Variants in KCNH7 observed in about 807,000 individuals in gnomAD.
The protein encoded by KCNH7 is potassium voltage-gated channel subfamily H member 7.
KCNH7 carries 49 observed loss-of-function variants against 120.8 expected under a neutral mutation model. The observed-to-expected ratio is 0.41, with a 90% confidence interval of 0.32 to 0.51. KCNH7 has a LOEUF of 0.51. KCNH7 is among the 20% of genes least tolerant of loss of function. KCNH7 has a pLI of 0.38. For missense variants in KCNH7, 1,097 were observed against 1,446.6 expected, an observed-to-expected ratio of 0.76 and a Z score of 3.92; for synonymous variants, 547 against 516.1, an observed-to-expected ratio of 1.06 and a Z score of -0.81.
intron 2 of KCNH7, among the ~76,000 whole-genome samples, chr2:162,763,232 A>G (rs1322967415): frequency 1.3e-5 from 2 of 152,158 alleles, no homozygotes; most frequent in African/African-American, 2.4e-5. Flanking sequence ...ATTAAGCACC[A>G]TTCTGAGTAC....
At chr2:162,681,567 T>C (rs1315288006) in intron 2 of KCNH7, among the ~76,000 whole-genome samples, 1 of 151,752 alleles carries the variant, frequency 6.6e-6, no homozygotes, top group Non-Finnish European at 1.5e-5. Flanking sequence ...CAAAAACTCA[T>C]GCCTTAGCAG....
chr2:162,762,368 T>C (rs1046313721), intron 2 of KCNH7, among the ~76,000 whole-genome samples: 2 of 127,656 alleles, frequency 1.6e-5, no homozygotes, highest in Non-Finnish European at 3.4e-5. Context: ...AAAGATCTTG[T>C]TGGAAGGAAA....
At chr2:162,629,443 C>A (rs1032570914) in intron 2 of KCNH7, among the ~76,000 whole-genome samples, 1 of 150,254 alleles carries the variant, frequency 6.7e-6, no homozygotes, top group Non-Finnish European at 1.5e-5. Flanking sequence ...AGTGTAGATG[C>A]AATGAAGTGG....
At chr2:162,495,164 G>A (rs1465714984) in intron 6 of KCNH7, among the ~76,000 whole-genome samples, 1 of 152,112 alleles carries the variant, frequency 6.6e-6, no homozygotes. Context: ...GGTCACAATT[G>A]GAGAAACTGG....
In KCNH7 at chr2:162,597,752, A is replaced by G. The variant is rs183214424; in HGVS notation, c.308-60672T>C. ...TGTAAGGTGATGAATAAGTTCATTG[A>G]CCTGATTTTCTCATTCCACAATGTA... On this transcript the variant is annotated intron_variant, in intron 2 of 15. Coordinates refer to ENST00000332142, the MANE Select transcript of KCNH7 (RefSeq NM_033272.4). Among the ~76,000 whole-genome samples the G allele has an allele frequency of 3.1e-3, 465 of 152,194 alleles. 2 individuals are homozygous for G. The highest frequency in any genetic ancestry group is 0.011 in the African/African-American group (443 of 41,550).
At chr2:162,693,457 GA>G (rs1030171907) in intron 2 of KCNH7, among the ~76,000 whole-genome samples, 8 of 152,298 alleles carry the variant, frequency 5.3e-5, no homozygotes, top group Admixed American at 2.6e-4. Context: ...TCACATATCA[GA>G]AAATGTCATA....
At chr2:162,404,464 C>T (rs1687150313) in intron 9 of KCNH7, among the ~76,000 whole-genome samples, 2 of 152,022 alleles carry the variant, frequency 1.3e-5, no homozygotes, top group South Asian at 2.1e-4. Flanking sequence ...ATGTCAGAGA[C>T]GAAGCCTGAT....
chr2:162,427,977 C>G (rs1176364931), intron 8 of KCNH7, among the ~76,000 whole-genome samples: 3 of 151,688 alleles, frequency 2.0e-5, no homozygotes, highest in Non-Finnish European at 3.0e-5. Flanking sequence ...AACTTTCTCT[C>G]TTGTTTGTTT....
chr2:162,774,932 A>G (rs1683180892), intron 2 of KCNH7, among the ~76,000 whole-genome samples: 1 of 152,164 alleles, frequency 6.6e-6, no homozygotes, highest in South Asian at 2.1e-4. Flanking sequence ...TATATGTACA[A>G]TCTGTAACTT....
chr2:162,468,188 T>C (rs1356646300), intron 6 of KCNH7, among the ~76,000 whole-genome samples: 1 of 152,194 alleles, frequency 6.6e-6, no homozygotes, highest in Non-Finnish European at 1.5e-5. Context: ...GTTTGATACC[T>C]GTTTATGTTA....
chr2:162,433,648 G>A (rs954042447), intron 8 of KCNH7, among the ~76,000 whole-genome samples: 1 of 151,970 alleles, frequency 6.6e-6, no homozygotes, highest in African/African-American at 2.4e-5. Flanking sequence ...TTTAAGATTG[G>A]AATGTAAGAC....
chr2:162,535,143 T>C (rs1398372631), intron 3 of KCNH7, among the ~76,000 whole-genome samples: 1 of 151,702 alleles, frequency 6.6e-6, no homozygotes, highest in East Asian at 1.9e-4. Context: ...TAATGGGGAA[T>C]GTTTGAATTA....
intron 2 of KCNH7, among the ~76,000 whole-genome samples, chr2:162,674,943 G>A (rs1020029753): frequency 6.3e-4 from 96 of 151,622 alleles, no homozygotes; most frequent in African/African-American, 2.2e-3. Context: ...ATGAAAGAAA[G>A]TATTGATCAA....
At chr2:162,683,922 A>C (rs1685796328) in intron 2 of KCNH7, among the ~76,000 whole-genome samples, 2 of 152,154 alleles carry the variant, frequency 1.3e-5, no homozygotes, top group Admixed American at 6.6e-5. Flanking sequence ...ATCTGGAGGC[A>C]TCACACTACC....
intron 14 of KCNH7, among the ~76,000 whole-genome samples, chr2:162,378,189 T>G (rs1057226915): frequency 1.3e-5 from 2 of 152,216 alleles, no homozygotes; most frequent in African/African-American, 4.8e-5. Flanking sequence ...TTGTATAGCA[T>G]ATGTAGTTCC....
intron 2 of KCNH7, among the ~76,000 whole-genome samples, chr2:162,713,397 G>C (rs1686996677): frequency 6.6e-6 from 1 of 152,070 alleles, no homozygotes; most frequent in Non-Finnish European, 1.5e-5. Context: ...ATAGTATTTT[G>C]ATCCCAAACT....
Position 162,373,629 on chromosome 2 carries a change from G to C in KCNH7, c.3165C>G (p.Thr1055=). ...LESQMTTDIQ[T]ILQLLQKQTT... ...TTTGTTTCTGCAGCAACTGTAAGAT[G>C]GTCTGGATGTCAGTGGTCATTTGGG... is the stretch of plus-strand genomic sequence containing the variant. The change falls in exon 15 of 16, where the codon ACC becomes ACG. Residue 1055 remains threonine (T), a synonymous_variant. Transcript: ENST00000332142. 2 of 1,548,180 alleles carry C rather than the reference G, an allele frequency of 1.3e-6. No individual in the cohort carries two copies. The highest frequency in any genetic ancestry group is 4.9e-5 in the East Asian group (2 of 40,414).
At chr2:162,765,928 T>G (rs1403120706) in intron 2 of KCNH7, among the ~76,000 whole-genome samples, 1 of 152,062 alleles carries the variant, frequency 6.6e-6, no homozygotes, top group East Asian at 1.9e-4. Context: ...AATTTTTACA[T>G]AATTTATTTT....
chr2:162,762,840 T>C (rs1007583382), intron 2 of KCNH7, among the ~76,000 whole-genome samples: 9 of 152,060 alleles, frequency 5.9e-5, no homozygotes, highest in African/African-American at 2.2e-4. Flanking sequence ...AAGGTATAGG[T>C]AAACATGGGA....
Sources: allele counts gnomAD v4.1 joint callset (sites outside exome capture counted in the v4.1 genomes callset), GRCh38; gene constraint gnomAD v4.1.1; transcripts MANE v1.5; gene names NCBI Gene and HGNC (gene_info 2026-07-23, HGNC 2026-07-21).